The following GRM7 variants were observed in gnomAD, a reference collection of about 807,000 sequenced individuals.
GRM7 encodes glutamate metabotropic receptor 7, also known as metabotropic glutamate receptor 7.
Under a neutral mutation model 84.5 loss-of-function variants are expected in GRM7, and 35 were observed. That is an observed-to-expected ratio of 0.41 (90% CI 0.32 to 0.55). GRM7 has a LOEUF of 0.55. Among genes scored for constraint, GRM7 ranks in the 20% least tolerant of loss-of-function variants. The probability of loss-of-function intolerance (pLI) is 0.19; values close to 1 mark genes in which losing one functional copy is unlikely to be tolerated. For synonymous variants in GRM7, 487 were observed against 455.1 expected, an observed-to-expected ratio of 1.07 and a Z score of -0.89; for missense variants, 1,003 against 1,194.6, an observed-to-expected ratio of 0.84 and a Z score of 2.36.
At chr3:6,897,783 G>A (rs913363658) in intron 1 of GRM7, among the ~76,000 whole-genome samples, 2 of 152,190 alleles carry the variant, frequency 1.3e-5, no homozygotes, top group African/African-American at 4.8e-5. Context: ...TCTGAAAAGG[G>A]CAATTTGAGC....
At chr3:7,373,570 T>C (rs990342743) in intron 4 of GRM7, among the ~76,000 whole-genome samples, 2 of 152,194 alleles carry the variant, frequency 1.3e-5, no homozygotes, top group Non-Finnish European at 2.9e-5. Flanking sequence ...CCCTTACTTA[T>C]TTCTCCCATT....
chr3:6,975,192 C>G (rs1036206466), intron 1 of GRM7, among the ~76,000 whole-genome samples: 20 of 152,058 alleles, frequency 1.3e-4, no homozygotes, highest in Admixed American at 6.6e-5. Flanking sequence ...TCTATTTTCT[C>G]AGTAAAAATT....
At chr3:7,308,224 CTGTT>C (rs1414449395) in intron 4 of GRM7, among the ~76,000 whole-genome samples, 3 of 149,914 alleles carry the variant, frequency 2.0e-5, no homozygotes, top group East Asian at 2.0e-4. Flanking sequence ...CATTGCTACA[CTGTT>C]TGGTTGATTG....
chr3:7,666,756 T>C (rs61465410), intron 8 of GRM7, among the ~76,000 whole-genome samples: 4,692 of 152,116 alleles, frequency 0.031, 252 homozygotes, highest in African/African-American at 0.11. Flanking sequence ...TTTATTATTA[T>C]TACTTCTTAT....
Position 6,861,226 on chromosome 3 carries a change from C to A in GRM7, c.-163C>A. The A allele has an allele frequency of 5.3e-6, 3 of 561,808 alleles. No individual in the cohort carries two copies. The highest frequency in any genetic ancestry group is 2.8e-6 in the Non-Finnish European group (1 of 352,128). 34.8% of individuals were successfully genotyped at this position (561,808 alleles called of 1,614,324 possible). On this transcript the variant is annotated 5_prime_UTR_variant, in exon 1 of 10. Transcript: ENST00000357716. The surrounding 1 kb of genome is among the most constrained non-coding windows in gnomAD (Gnocchi z 6.4). ...CCCAGGCTGGCAGGCGCCGCGGGAC[C>A]CCTCACCCTCTCTGGTCGCCCCTCC... is the stretch of plus-strand genomic sequence containing the variant.
chr3:7,453,796 A>C (rs1697882274), intron 6 of GRM7, among the ~76,000 whole-genome samples: 1 of 152,130 alleles, frequency 6.6e-6, no homozygotes. Flanking sequence ...ATAATCTAAT[A>C]CTAATAGGCT....
intron 2 of GRM7, among the ~76,000 whole-genome samples, chr3:7,296,073 G>A (rs1214650961): frequency 6.6e-6 from 1 of 151,758 alleles, no homozygotes; most frequent in Non-Finnish European, 1.5e-5. Flanking sequence ...ACAGAGTTTA[G>A]TATTGTTATC....
intron 1 of GRM7, among the ~76,000 whole-genome samples, chr3:7,026,184 C>T (rs181196202): frequency 6.6e-6 from 1 of 152,254 alleles, no homozygotes; most frequent in Non-Finnish European, 1.5e-5. Flanking sequence ...ACTCATGCAG[C>T]CTTACTGTCT....
intron 2 of GRM7, among the ~76,000 whole-genome samples, chr3:7,261,287 G>A (rs942407677): frequency 1.3e-5 from 2 of 152,172 alleles, no homozygotes; most frequent in African/African-American, 4.8e-5. Flanking sequence ...GCAAGATCAG[G>A]TTATTTAATT....
chr3:7,052,498 C>A (rs937452329), intron 1 of GRM7, among the ~76,000 whole-genome samples: 6 of 151,714 alleles, frequency 4.0e-5, no homozygotes, highest in African/African-American at 1.4e-4. Flanking sequence ...ATAGAGAACT[C>A]TTCCATTGTC....
intron 1 of GRM7, among the ~76,000 whole-genome samples, chr3:7,059,522 C>T (rs1020562012): frequency 2.6e-5 from 4 of 151,756 alleles, no homozygotes; most frequent in Non-Finnish European, 5.9e-5. Flanking sequence ...TCTAAATCTT[C>T]CAAAGAAAAT....
chr3:6,873,053 G>A (rs566565012), intron 1 of GRM7, among the ~76,000 whole-genome samples: 7 of 152,128 alleles, frequency 4.6e-5, no homozygotes, highest in East Asian at 1.9e-4. Flanking sequence ...CTTCCACAAT[G>A]GTTGAACTAA....
chr3:7,562,352 TTTTTAAAAAGAAAAAAAAAATAC>T (rs1694062778), intron 7 of GRM7, among the ~76,000 whole-genome samples: 1 of 148,228 alleles, frequency 6.7e-6, no homozygotes, highest in South Asian at 2.1e-4. Context: ...CCCTTATATT[TTTTTAAAAAGAAAAAAAAAATAC>T]TAGTTTTAAT....
intron 5 of GRM7, among the ~76,000 whole-genome samples, chr3:7,439,570 C>T (rs1324091490): frequency 6.6e-6 from 1 of 152,142 alleles, no homozygotes; most frequent in Non-Finnish European, 1.5e-5. Context: ...AATCCCAGAC[C>T]CTTCACAGTT....
intron 2 of GRM7, among the ~76,000 whole-genome samples, chr3:7,279,531 A>G (rs1699184517): frequency 6.6e-6 from 1 of 152,160 alleles, no homozygotes; most frequent in Non-Finnish European, 1.5e-5. Flanking sequence ...GATGTGGGCA[A>G]ACTGAAGTTA....
At chr3:7,691,765 A>AT (rs1277362205) in intron 9 of GRM7, among the ~76,000 whole-genome samples, 1 of 152,022 alleles carries the variant, frequency 6.6e-6, no homozygotes, top group Admixed American at 6.6e-5. Flanking sequence ...GGTTCAAGTG[A>AT]TTCTCCTGCC....
intron 1 of GRM7, among the ~76,000 whole-genome samples, chr3:7,097,823 T>C (rs1242697379): frequency 6.6e-6 from 1 of 152,068 alleles, no homozygotes; most frequent in Non-Finnish European, 1.5e-5. Flanking sequence ...AAGCCATGCT[T>C]TTCTAATTGG....
chr3:7,349,781 A>G (rs1335120424), intron 4 of GRM7, among the ~76,000 whole-genome samples: 1 of 152,162 alleles, frequency 6.6e-6, no homozygotes, highest in Admixed American at 6.6e-5. Context: ...GGTATAGATG[A>G]AATGATTAAA....
intron 2 of GRM7, among the ~76,000 whole-genome samples, chr3:7,238,842 C>G (rs1697442106): frequency 6.8e-6 from 1 of 148,048 alleles, no homozygotes; most frequent in Non-Finnish European, 1.5e-5. Context: ...CCCTCCCCTC[C>G]CCTCTTCCTT....
Sources: allele counts gnomAD v4.1 joint callset (sites outside exome capture counted in the v4.1 genomes callset), GRCh38; gene constraint gnomAD v4.1.1; non-coding constraint Gnocchi (gnomAD v3.1); transcripts MANE v1.5; gene names NCBI Gene and HGNC (gene_info 2026-07-23, HGNC 2026-07-21).